The following TBC1D10A variants were observed in gnomAD, a reference collection of about 807,000 sequenced individuals.
TBC1D10A encodes the protein EBP50-PDX interactor of 64 kDa.
A neutral mutation model predicts 52.9 loss-of-function variants in TBC1D10A; 24 were observed. The observed-to-expected ratio is 0.45, with a 90% CI of 0.33 to 0.64. The LOEUF is 0.64. Ranked by LOEUF, TBC1D10A falls within the 30% of genes least tolerant of loss-of-function variation. TBC1D10A has a pLI of 0.02. For missense variants in TBC1D10A, 602 were observed against 687.9 expected, an observed-to-expected ratio of 0.88 and a Z score of 1.40; for synonymous variants, 278 against 282.9, an observed-to-expected ratio of 0.98 and a Z score of 0.17.
At chr22:30,309,634 C>A (rs1930386483) in intron 1 of TBC1D10A, among the ~76,000 whole-genome samples, 1 of 152,198 alleles carries the variant, frequency 6.6e-6, no homozygotes. Flanking sequence ...CTGGAACAGG[C>A]TTAGCCATGC....
chr22:30,292,488 T>A lies in TBC1D10A; in HGVS notation c.1414A>T (p.Lys472Ter), dbSNP rs1929966543. ...DACPPQHVPPKDSAPKDSAPQ... is the reference protein window; with the variant it reads ...DACPPQHVPP The stretch of plus-strand genomic sequence containing the variant: ...GCTGAGTCCTTGGGGGCTGAGTCCT[T>A]CGGGGGCACATGCTGTGGGGGACAT... Residue 472 changes from lysine to a stop codon, truncating the protein, a stop_gained, in exon 9 of 9, where the codon AAG becomes TAG. Transcript: ENST00000215790. LOFTEE classifies it high-confidence loss of function. 6.2e-7 allele frequency: 1 copy of A among 1,607,736 alleles called. No homozygotes were observed. Among genetic ancestry groups the A allele is most frequent in the Non-Finnish European group, 8.5e-7 (1 of 1,176,822 alleles).
intron 1 of TBC1D10A, among the ~76,000 whole-genome samples, chr22:30,316,199 A>G (rs1930532381): frequency 6.6e-6 from 1 of 152,228 alleles, no homozygotes. Context: ...CACAAAGAGA[A>G]GTCCAGCCTG....
At chr22:30,293,455 T>C in intron 8 of TBC1D10A, 196 bp downstream of exon 8, 1 of 879,012 alleles carries the variant, frequency 1.1e-6, no homozygotes, top group Non-Finnish European at 1.8e-6. Flanking sequence ...CAGAAGGCCC[T>C]GCAGAGCCAA....
chr22:30,301,091 C>T (rs1930192740), intron 2 of TBC1D10A, among the ~76,000 whole-genome samples: 2 of 152,182 alleles, frequency 1.3e-5, no homozygotes, highest in South Asian at 2.1e-4. Flanking sequence ...ATTTGTCATA[C>T]AATCAGAAAC....
chr22:30,308,217 G>A (rs1930349097), intron 1 of TBC1D10A, among the ~76,000 whole-genome samples: 1 of 150,212 alleles, frequency 6.7e-6, no homozygotes, highest in African/African-American at 2.5e-5. Flanking sequence ...TACAGCTCAT[G>A]CTCTTGACCC....
intron 8 of TBC1D10A, chr22:30,293,334 T>G: frequency 1.6e-6 from 1 of 633,090 alleles, no homozygotes; most frequent in Admixed American, 2.1e-5. Flanking sequence ...GAGACAAGTA[T>G]CCATAAAGAA....
chr22:30,299,669 G>A lies in TBC1D10A; in HGVS notation c.310-118C>T, dbSNP rs1351584747. 2.5e-5 allele frequency: 23 copies of A among 920,176 alleles called. No individual in the cohort carries two copies. The East Asian group carries it at 5.6e-4, about 23-fold the overall frequency. 57.0% of individuals were successfully genotyped at this position (920,176 alleles called of 1,614,324 possible). A position where few individuals can be genotyped will look rare whatever the true frequency, so the allele number is the denominator to read the frequency against. ...ACACAGCAGCAAGAGCAGAAACAGGGAGAAAAGAGGACTTTCGCCGGGCAA... is the reference window on the plus strand; with the variant it reads ...ACACAGCAGCAAGAGCAGAAACAGGAAGAAAAGAGGACTTTCGCCGGGCAA... On this transcript the variant is annotated intron_variant, in intron 2 of 8. Transcript: ENST00000215790.
Position 30,293,796 on chromosome 22 carries a change from A to G in TBC1D10A, c.905T>C (p.Ile302Thr), listed in dbSNP as rs1220339622. The G allele has an allele frequency of 1.2e-6, 2 of 1,611,388 alleles. No homozygotes were observed. Among genetic ancestry groups the G allele is most frequent in the Non-Finnish European group, 1.7e-6 (2 of 1,178,280 alleles). ...WDMFFCEGVK[I>T]IFRVGLVLLK... ...CAGCACCAGCCCCACCCGGAAGATG[A>G]TCTTGACCCCTGCATGGGGGATGGG... The change falls in exon 8 of 9, where the codon ATC becomes ACC. Residue 302 changes from isoleucine (I) to threonine (T), a missense_variant. Coordinates refer to ENST00000215790, the MANE Select transcript of TBC1D10A (RefSeq NM_031937.3).
At chr22:30,304,509 T>A in intron 2 of TBC1D10A, 22 bp downstream of exon 2, 1 of 1,613,900 alleles carries the variant, frequency 6.2e-7, no homozygotes, top group Non-Finnish European at 8.5e-7. Context: ...CCCAGCCCAA[T>A]ACCTGAGGCC....
At chr22:30,325,371 C>A (rs1230847676) in intron 1 of TBC1D10A, among the ~76,000 whole-genome samples, 1 of 152,206 alleles carries the variant, frequency 6.6e-6, no homozygotes, top group African/African-American at 2.4e-5. Flanking sequence ...AGTTAAAGCG[C>A]TTCCATAAGT....
rs370167266 is a variant in TBC1D10A, at chr22:30,292,523, G to T, written c.1379C>A (p.Ala460Glu). The change falls in exon 9 of 9, where the codon GCA (alanine) becomes GAA (glutamate). Residue 460 changes from alanine to glutamate, a missense_variant. By Grantham distance (107) the Ala-to-Glu change is moderately radical (BLOSUM62 -1). Around this residue, in one of 3 missense-constraint regions of TBC1D10A, gnomAD observed 265 missense variants for 275.1 expected, o/e 0.96. Transcript: ENST00000215790. ...ATGCTGTGGGGGACATGCATCTCCTGCAGCGGCCACCACCATGGCTTGATT... is the reference window on the plus strand; with the variant it reads ...ATGCTGTGGGGGACATGCATCTCCTTCAGCGGCCACCACCATGGCTTGATT... ...APNQAMVVAAAGDACPPQHVP... is the reference protein window; with the variant it reads ...APNQAMVVAAEGDACPPQHVP... 1.9e-6 allele frequency: 3 copies of T among 1,612,192 alleles called. No individual in the cohort carries two copies. The Admixed American group carries it at 5.0e-5, about 27-fold the overall frequency.
rs967402697 is a variant in TBC1D10A, at chr22:30,323,214, T to C, written c.209+3459A>G. On this transcript the variant is annotated intron_variant, in intron 1 of 8. Transcript: ENST00000215790. ...GCCACCATGCCCTGCCACTTTCAGC[T>C]TCCTGACTTGAAATGTCTCCCCGCA... Among the ~76,000 whole-genome samples, 7 of 152,332 alleles carry C rather than the reference T, an allele frequency of 4.6e-5. No individual in the cohort carries two copies. In the East Asian group the frequency reaches 7.7e-4, roughly 17 times the overall value.
Position 30,293,675 on chromosome 22 carries a change from C to T in TBC1D10A, c.1026G>A (p.Met342Ile). ...ERLRSLSPKI[M>I]QEAFLVQEVV... Reference sequence around the variant, plus strand: ...CCTCCTGGACCAGAAAGGCCTCCTGCATGATCTTGGGGCTGAGGCTCCGCA... The same window carrying T: ...CCTCCTGGACCAGAAAGGCCTCCTGTATGATCTTGGGGCTGAGGCTCCGCA... Residue 342 changes from methionine (M) to isoleucine (I), a missense_variant, in exon 8 of 9, where the codon ATG (methionine) becomes ATA (isoleucine). This residue lies in a region of TBC1D10A where 265 missense variants were observed against 275.1 expected (regional missense o/e 0.96). Transcript: ENST00000215790. The T allele has an allele frequency of 1.9e-6, 3 of 1,610,578 alleles. No homozygotes were observed. The highest frequency in any genetic ancestry group is 2.5e-6 in the Non-Finnish European group (3 of 1,177,364).
chr22:30,303,289 TTAGA>T (rs562926051), intron 2 of TBC1D10A, among the ~76,000 whole-genome samples: 1,864 of 146,998 alleles, frequency 0.013, 41 homozygotes, highest in African/African-American at 0.045. Flanking sequence ...AAATAAATAG[TTAGA>T]TAGATAGATA....
At chr22:30,311,592 C>G (rs922906759) in intron 1 of TBC1D10A, among the ~76,000 whole-genome samples, 4 of 152,208 alleles carry the variant, frequency 2.6e-5, no homozygotes, top group South Asian at 4.1e-4. Flanking sequence ...GTTCTCTCCA[C>G]CCTTCACTGG....
At chr22:30,322,736 T>G (rs753312911) in intron 1 of TBC1D10A, among the ~76,000 whole-genome samples, 1 of 148,412 alleles carries the variant, frequency 6.7e-6, no homozygotes, top group African/African-American at 2.5e-5. Context: ...GCTAGGACTA[T>G]AGGTGCATGA....
At chr22:30,322,066 G>A (rs1235932645) in intron 1 of TBC1D10A, among the ~76,000 whole-genome samples, 8 of 142,202 alleles carry the variant, frequency 5.6e-5, no homozygotes, top group East Asian at 2.2e-4. Context: ...TACAACCTCC[G>A]CCTCCCAAGC....
At chr22:30,293,488 T>A (rs1929996938) in intron 8 of TBC1D10A, 163 bp downstream of exon 8, 1 of 1,075,690 alleles carries the variant, frequency 9.3e-7, no homozygotes, top group South Asian at 1.5e-5. Context: ...CCCATGCTCT[T>A]CACCAGACAG....
At position 30,326,887 on chromosome 22, in the gene TBC1D10A, C is replaced by G; in HGVS notation, c.-6G>C. On this transcript the variant is annotated 5_prime_UTR_variant, in exon 1 of 9. Transcript: ENST00000215790. ...TCTCCGTTGCTCTTCGCCATCCCAG[C>G]CGCGCCCGCCGCCTGAGCTCCAGCG... is the stretch of plus-strand genomic sequence containing the variant. 1 of 1,475,572 alleles carries G rather than the reference C, an allele frequency of 6.8e-7. No homozygotes were observed. Among genetic ancestry groups the G allele is most frequent in the East Asian group, 2.9e-5 (1 of 34,072 alleles). The allele number at this position is 1,475,572 out of a possible 1,614,324, so 91.4% of individuals were successfully genotyped here.
Sources: gnomAD v4.1 joint callset for allele counts (sites outside exome capture counted in the v4.1 genomes callset) on GRCh38, gnomAD v4.1.1 for gene constraint, gnomAD v4.1.1 regional missense constraint, MANE v1.5 for transcripts, NCBI Gene and HGNC (gene_info 2026-07-23, HGNC 2026-07-21) for gene names.